JAZF1: variants seen among roughly 807,000 people sequenced by gnomAD.
JAZF1 encodes juxtaposed with another zinc finger protein 1.
JAZF1 carries 8 observed loss-of-function variants against 26.4 expected under a neutral mutation model. The ratio of observed to expected loss-of-function variants is 0.30; its 90% CI spans 0.18 to 0.55. The LOEUF is 0.55. Among genes scored for constraint, JAZF1 ranks in the 20% least tolerant of loss-of-function variants. The probability of loss-of-function intolerance (pLI) is 0.94; values close to 1 mark genes in which losing one functional copy is unlikely to be tolerated. For synonymous variants in JAZF1, 126 were observed against 122.3 expected, an observed-to-expected ratio of 1.03 and a Z score of -0.20; for missense variants, 199 against 322.0, an observed-to-expected ratio of 0.62 and a Z score of 2.92.
rs572650464 is a variant in JAZF1, at chr7:27,975,752, A to G, written c.188+16157T>C. 2.6e-5 allele frequency among the ~76,000 whole-genome samples: 4 copies of G among 152,376 alleles called. No homozygotes were observed. In the South Asian group the frequency reaches 8.3e-4, roughly 32 times the overall value. Reference sequence around the variant, plus strand: ...TATAAAGCAGCTTTGAATTGGGCTCAAAGATGCATAAAAAGATCAGTCATA... The same window carrying G: ...TATAAAGCAGCTTTGAATTGGGCTCGAAGATGCATAAAAAGATCAGTCATA... On this transcript the variant is annotated intron_variant, in intron 2 of 4. Coordinates refer to ENST00000283928, the MANE Select transcript of JAZF1 (RefSeq NM_175061.4).
intron 1 of JAZF1, among the ~76,000 whole-genome samples, chr7:28,102,948 A>G (rs1050432227): frequency 1.3e-5 from 2 of 152,190 alleles, no homozygotes; most frequent in African/African-American, 2.4e-5. Context: ...GAGAAAGTGA[A>G]CTTGACCTTG....
chr7:28,036,028 C>T, intron 1 of JAZF1, among the ~76,000 whole-genome samples: 1 of 152,208 alleles, frequency 6.6e-6, no homozygotes, highest in East Asian at 1.9e-4. Context: ...AATGGAGTAG[C>T]TCTAGCCTCT....
chr7:28,139,720 A>G (rs765346650), intron 1 of JAZF1, among the ~76,000 whole-genome samples: 2 of 151,600 alleles, frequency 1.3e-5, no homozygotes, highest in African/African-American at 4.9e-5. Flanking sequence ...AGGAAACCAT[A>G]TATTTAGGAT....
At chr7:28,122,341 C>A (rs2127938416) in intron 1 of JAZF1, among the ~76,000 whole-genome samples, 1 of 152,292 alleles carries the variant, frequency 6.6e-6, no homozygotes, top group East Asian at 1.9e-4. Context: ...CAGGCTCCTA[C>A]CATGTCTGGA....
At chr7:28,128,747 T>G (rs1232919393) in intron 1 of JAZF1, among the ~76,000 whole-genome samples, 1 of 152,184 alleles carries the variant, frequency 6.6e-6, no homozygotes, top group African/African-American at 2.4e-5. Context: ...AGCACTGACT[T>G]GCTGCAAATT....
At chr7:27,890,784 CTTTTT>C (rs70977008) in intron 3 of JAZF1, among the ~76,000 whole-genome samples, 8 of 92,024 alleles carry the variant, frequency 8.7e-5, no homozygotes, top group African/African-American at 3.1e-4. Flanking sequence ...GATGTTACTA[CTTTTT>C]TTTTTTTTTT....
rs117279118 is a variant in JAZF1 at position 27,954,034 on chromosome 7, G to A, written c.188+37875C>T. 3.3e-5 allele frequency among the ~76,000 whole-genome samples: 5 copies of A among 152,286 alleles called. No individual in the cohort carries two copies. In the East Asian group the frequency reaches 5.8e-4, roughly 18 times the overall value. On this transcript the variant is annotated intron_variant, in intron 2 of 4. Transcript: ENST00000283928. ...GTCCTGCCATGCCCCACCCTGCGGTGAGCTCATTAATCCCTCAGCCAGTCC... is the reference window on the plus strand; with the variant it reads ...GTCCTGCCATGCCCCACCCTGCGGTAAGCTCATTAATCCCTCAGCCAGTCC...
At chr7:27,947,440 G>A (rs569312401) in intron 2 of JAZF1, among the ~76,000 whole-genome samples, 1 of 152,224 alleles carries the variant, frequency 6.6e-6, no homozygotes, top group South Asian at 2.1e-4. Context: ...AATATAATAG[G>A]TACTAAGAAT....
At chr7:27,956,391 G>C (rs1439937217) in intron 2 of JAZF1, among the ~76,000 whole-genome samples, 1 of 152,146 alleles carries the variant, frequency 6.6e-6, no homozygotes, top group African/African-American at 2.4e-5. Context: ...CATGCTCTTT[G>C]GGGGTGTAAC....
At chr7:27,910,053 TAG>T (rs1182474589) in intron 2 of JAZF1, among the ~76,000 whole-genome samples, 1 of 152,226 alleles carries the variant, frequency 6.6e-6, no homozygotes, top group Admixed American at 6.5e-5. Context: ...CACTGTTATA[TAG>T]AGTCTATACC....
intron 3 of JAZF1, among the ~76,000 whole-genome samples, chr7:27,845,846 G>T (rs1396993771): frequency 1.3e-5 from 2 of 152,114 alleles, no homozygotes; most frequent in African/African-American, 2.4e-5. Context: ...AGCAGGAAAA[G>T]ATCACACCGT....
intron 4 of JAZF1, among the ~76,000 whole-genome samples, chr7:27,835,651 G>T (rs969404719): frequency 5.9e-5 from 9 of 152,116 alleles, no homozygotes; most frequent in Non-Finnish European, 1.0e-4. Context: ...TGCCCTTATC[G>T]CAAATGTTAG....
intron 1 of JAZF1, among the ~76,000 whole-genome samples, chr7:28,156,967 C>T (rs192637938): frequency 4.3e-4 from 66 of 152,318 alleles, no homozygotes; most frequent in Admixed American, 1.1e-3. Context: ...CTCCATACTA[C>T]GTATAAATAA....
At chr7:28,043,262 C>G (rs1783425470) in intron 1 of JAZF1, among the ~76,000 whole-genome samples, 1 of 152,178 alleles carries the variant, frequency 6.6e-6, no homozygotes, top group African/African-American at 2.4e-5. Context: ...CACTAGCTCT[C>G]TTTCTCCAAG....
chr7:27,857,533 G>C (rs1423155763), intron 3 of JAZF1, among the ~76,000 whole-genome samples: 1 of 152,244 alleles, frequency 6.6e-6, no homozygotes, highest in African/African-American at 2.4e-5. Context: ...CCGAGAGCGA[G>C]CTAGGGCTGC....
chr7:27,876,917 T>C (rs1783689615), intron 3 of JAZF1, among the ~76,000 whole-genome samples: 1 of 152,186 alleles, frequency 6.6e-6, no homozygotes, highest in African/African-American at 2.4e-5. Context: ...GTCTTTTCTA[T>C]TGCTGCTTTG....
At chr7:27,944,343 T>C (rs6975807) in intron 2 of JAZF1, among the ~76,000 whole-genome samples, 3,403 of 152,356 alleles carry the variant, frequency 0.022, 116 homozygotes, top group African/African-American at 0.07. Flanking sequence ...TTTAATGGCC[T>C]TCGCTTGCTT....
chr7:27,858,838 A>T (rs1440517717), intron 3 of JAZF1, among the ~76,000 whole-genome samples: 1 of 152,246 alleles, frequency 6.6e-6, no homozygotes, highest in African/African-American at 2.4e-5. Flanking sequence ...TTCATGACTA[A>T]AACACCAAAA....
intron 1 of JAZF1, among the ~76,000 whole-genome samples, chr7:28,150,339 C>G (rs747294114): frequency 3.3e-5 from 5 of 152,158 alleles, no homozygotes; most frequent in Non-Finnish European, 7.3e-5. Context: ...TGCTTCCAGA[C>G]TTTTGGATTT....
Sources: gnomAD v4.1 joint callset for allele counts (sites outside exome capture counted in the v4.1 genomes callset) on GRCh38, gnomAD v4.1.1 for gene constraint, MANE v1.5 for transcripts, NCBI Gene and HGNC (gene_info 2026-07-23, HGNC 2026-07-21) for gene names.